DCUN1D4: variants seen among roughly 807,000 people sequenced by gnomAD.
DCUN1D4 encodes the protein defective in cullin neddylation 1 domain containing 4.
In DCUN1D4, 22 loss-of-function variants were observed where a neutral mutation model predicts 47.9. The observed-to-expected ratio is 0.46, with a 90% confidence interval of 0.33 to 0.66. The LOEUF (loss-of-function observed/expected upper bound fraction) is 0.66. Among genes scored for constraint, DCUN1D4 ranks in the 30% least tolerant of loss-of-function variants. The pLI, the probability that DCUN1D4 is intolerant of heterozygous loss-of-function variation, is 0.02. For synonymous variants in DCUN1D4, 121 were observed against 112.2 expected, an observed-to-expected ratio of 1.08 and a Z score of -0.50; for missense variants, 301 against 340.8, an observed-to-expected ratio of 0.88 and a Z score of 0.92.
At chr4:51,845,974 C>G (rs902072316) in intron 1 of DCUN1D4, among the ~76,000 whole-genome samples, 3 of 152,100 alleles carry the variant, frequency 2.0e-5, no homozygotes. Context: ...GTGCACTTAA[C>G]TCTGGAATTT....
intron 1 of DCUN1D4, among the ~76,000 whole-genome samples, chr4:51,856,488 G>T (rs934220180): frequency 6.6e-6 from 1 of 152,180 alleles, no homozygotes; most frequent in Non-Finnish European, 1.5e-5. Context: ...ATTACTTTAA[G>T]TGTGTGGTTG....
intron 1 of DCUN1D4, 24 bp downstream of exon 1, chr4:51,843,291 C>CGGGCCG: frequency 1.3e-6 from 2 of 1,514,618 alleles, no homozygotes; most frequent in Non-Finnish European, 1.8e-6. Flanking sequence ...AGCCAGCCAG[C>CGGGCCG]GGGCCGGGGC....
intron 5 of DCUN1D4, among the ~76,000 whole-genome samples, chr4:51,881,101 C>G (rs1453719910): frequency 6.6e-6 from 1 of 152,020 alleles, no homozygotes; most frequent in African/African-American, 2.4e-5. Flanking sequence ...GCACTCCAGC[C>G]TGGGCAACAG....
chr4:51,901,805 A>C (rs181127683), intron 8 of DCUN1D4, among the ~76,000 whole-genome samples: 31 of 152,298 alleles, frequency 2.0e-4, no homozygotes, highest in African/African-American at 7.5e-4. Context: ...GGAGAGTCTC[A>C]ATTAATATTG....
At chr4:51,865,071 C>G (rs968593073) in intron 3 of DCUN1D4, 4 of 226,896 alleles carry the variant, frequency 1.8e-5, no homozygotes, top group South Asian at 8.4e-5. Flanking sequence ...CAGTGGAACC[C>G]AAACCTCCTG....
chr4:51,881,647 T>G (rs1478638799), intron 5 of DCUN1D4, among the ~76,000 whole-genome samples: 1 of 149,596 alleles, frequency 6.7e-6, no homozygotes, highest in African/African-American at 2.5e-5. Flanking sequence ...AGCTTATTAT[T>G]TTAGATACAA....
At chr4:51,875,196 T>G (rs1447968089) in intron 4 of DCUN1D4, 1 of 152,202 alleles carries the variant, frequency 6.6e-6, no homozygotes, top group East Asian at 1.9e-4. Flanking sequence ...AATGTCATTG[T>G]TTATATCTCA....
At chr4:51,873,702 C>T (rs1172829847) in intron 3 of DCUN1D4, among the ~76,000 whole-genome samples, 1 of 152,166 alleles carries the variant, frequency 6.6e-6, no homozygotes, top group African/African-American at 2.4e-5. Context: ...ACTGAAAACC[C>T]TGACTGAATG....
chr4:51,894,904 C>A (rs970707976), intron 7 of DCUN1D4, among the ~76,000 whole-genome samples: 1 of 151,978 alleles, frequency 6.6e-6, no homozygotes, highest in African/African-American at 2.4e-5. Context: ...AATTTTATTT[C>A]TCTGGAGGCC....
At chr4:51,862,971 A>C (rs1055419002) in intron 1 of DCUN1D4, among the ~76,000 whole-genome samples, 1 of 152,204 alleles carries the variant, frequency 6.6e-6, no homozygotes, top group African/African-American at 2.4e-5. Context: ...TGATTGCACC[A>C]CTGCACTTCA....
intron 8 of DCUN1D4, among the ~76,000 whole-genome samples, chr4:51,901,096 C>G (rs1732032449): frequency 6.6e-6 from 1 of 152,146 alleles, no homozygotes; most frequent in South Asian, 2.1e-4. Context: ...TGTCCACATT[C>G]TTTCACTTCT....
chr4:51,850,755 C>T (rs944616494), intron 1 of DCUN1D4, among the ~76,000 whole-genome samples: 8 of 151,864 alleles, frequency 5.3e-5, no homozygotes, highest in Non-Finnish European at 1.2e-4. Flanking sequence ...CCCCTGTGTG[C>T]GGGCGTGGGG....
chr4:51,864,720 C>T (rs1404085289), intron 3 of DCUN1D4, among the ~76,000 whole-genome samples: 1 of 152,194 alleles, frequency 6.6e-6, no homozygotes, highest in African/African-American at 2.4e-5. Context: ...ACCTCCCTGA[C>T]CTAATTGCCT....
intron 5 of DCUN1D4, among the ~76,000 whole-genome samples, chr4:51,886,298 A>G (rs1729465277): frequency 6.6e-6 from 1 of 152,238 alleles, no homozygotes; most frequent in African/African-American, 2.4e-5. Flanking sequence ...AAGAGCAGGA[A>G]TTGAATTCAG....
At chr4:51,886,697 T>C (rs1230513159) in intron 6 of DCUN1D4, 59 bp downstream of exon 6, 5 of 1,340,710 alleles carry the variant, frequency 3.7e-6, no homozygotes, top group East Asian at 2.3e-5. Flanking sequence ...CTTAAATCTT[T>C]GTTCTTTAGC....
intron 6 of DCUN1D4, among the ~76,000 whole-genome samples, chr4:51,889,831 T>G (rs1217856919): frequency 1.3e-5 from 2 of 152,174 alleles, no homozygotes; most frequent in African/African-American, 4.8e-5. Flanking sequence ...AAATTCTTAG[T>G]AGCACCTTGG....
At chr4:51,840,473 T>C (rs1560437696), upstream of DCUN1D4, among the ~76,000 whole-genome samples, 1 of 152,346 alleles carries the variant, frequency 6.6e-6, no homozygotes, top group East Asian at 1.9e-4. Context: ...GAAACCTGAA[T>C]TTAAGCCCTG....
chr4:51,887,462 A>G (rs1233989352), intron 6 of DCUN1D4, among the ~76,000 whole-genome samples: 2 of 152,306 alleles, frequency 1.3e-5, no homozygotes, highest in East Asian at 3.9e-4. Flanking sequence ...GATTTTTATA[A>G]GCTTAATTAT....
At chr4:51,839,042 T>TC (rs552691590), upstream of DCUN1D4, among the ~76,000 whole-genome samples, 100 of 150,866 alleles carry the variant, frequency 6.6e-4, no homozygotes, top group African/African-American at 2.4e-3. Context: ...ACCACTGCAC[T>TC]CCAGCCTGGG....
Sources: gnomAD v4.1 joint callset for allele counts (sites outside exome capture counted in the v4.1 genomes callset) on GRCh38, gnomAD v4.1.1 for gene constraint, MANE v1.5 for transcripts, NCBI Gene and HGNC (gene_info 2026-07-23, HGNC 2026-07-21) for gene names.